The following RCAN2 variants were observed in gnomAD, a reference collection of about 807,000 sequenced individuals.
RCAN2 encodes the protein regulator of calcineurin 2, also known as calcipressin-2.
In RCAN2, 9 loss-of-function variants were observed where a neutral mutation model predicts 23.6. The ratio of observed to expected loss-of-function variants is 0.38; its 90% confidence interval spans 0.23 to 0.67. The LOEUF (loss-of-function observed/expected upper bound fraction) is 0.67. Among genes scored for constraint, RCAN2 ranks in the 30% least tolerant of loss-of-function variants. The pLI is 0.51. For missense variants in RCAN2, 273 were observed against 302.3 expected (o/e 0.90, Z 0.72); for synonymous variants, 109 against 115.7 (o/e 0.94, Z 0.37).
chr6:46,381,275 T>C (rs1197696041), intron 2 of RCAN2, among the ~76,000 whole-genome samples: 3 of 152,202 alleles, frequency 2.0e-5, no homozygotes, highest in African/African-American at 7.2e-5. Context: ...GATAATACAA[T>C]GGAAAGATCC....
intron 2 of RCAN2, among the ~76,000 whole-genome samples, chr6:46,305,325 G>C (rs1417749834): frequency 6.6e-6 from 1 of 152,034 alleles, no homozygotes; most frequent in African/African-American, 2.4e-5. Context: ...ACTTCACGTA[G>C]CTTCTCAGGC....
chr6:46,354,032 C>G (rs182336700), intron 2 of RCAN2, among the ~76,000 whole-genome samples: 2 of 152,126 alleles, frequency 1.3e-5, no homozygotes, highest in Admixed American at 1.3e-4. Context: ...GGGATACAAA[C>G]CAGAATATAT....
At chr6:46,477,793 A>C (rs919296840) in intron 1 of RCAN2, among the ~76,000 whole-genome samples, 1 of 152,182 alleles carries the variant, frequency 6.6e-6, no homozygotes, top group Admixed American at 6.5e-5. Flanking sequence ...TGCCATCTCT[A>C]GGGTGGAAGT....
At chr6:46,359,473 C>T (rs1217382336) in intron 2 of RCAN2, among the ~76,000 whole-genome samples, 2 of 152,182 alleles carry the variant, frequency 1.3e-5, no homozygotes, top group African/African-American at 2.4e-5. Context: ...TGTAGGAAAG[C>T]AGAAATATTG....
At chr6:46,278,672 C>T (rs558189105) in intron 2 of RCAN2, among the ~76,000 whole-genome samples, 4 of 152,256 alleles carry the variant, frequency 2.6e-5, no homozygotes, top group African/African-American at 9.6e-5. Flanking sequence ...TCTTTAGTCT[C>T]GTTTCATCTG....
chr6:46,380,978 T>C (rs932670178), intron 2 of RCAN2, among the ~76,000 whole-genome samples: 3 of 152,188 alleles, frequency 2.0e-5, no homozygotes, highest in African/African-American at 7.2e-5. Context: ...AAATGCTACA[T>C]CTGTGCCTGG....
At chr6:46,370,347 T>C (rs977892917) in intron 2 of RCAN2, among the ~76,000 whole-genome samples, 3 of 152,174 alleles carry the variant, frequency 2.0e-5, no homozygotes, top group African/African-American at 7.2e-5. Context: ...TATTCTCCGC[T>C]TGCATCCTAT....
chr6:46,389,949 G>T (rs1765879808), intron 2 of RCAN2, among the ~76,000 whole-genome samples: 1 of 151,370 alleles, frequency 6.6e-6, no homozygotes, highest in Non-Finnish European at 1.5e-5. Flanking sequence ...ACTCACCTCA[G>T]TGATGATCCT....
intron 2 of RCAN2, among the ~76,000 whole-genome samples, chr6:46,332,321 T>TA (rs1348798237): frequency 6.6e-6 from 1 of 152,166 alleles, no homozygotes; most frequent in Non-Finnish European, 1.5e-5. Context: ...TGATTTTTTT[T>TA]ATTATACTTT....
chr6:46,406,156 C>T (rs2150405566), intron 2 of RCAN2, among the ~76,000 whole-genome samples: 1 of 152,340 alleles, frequency 6.6e-6, no homozygotes, highest in Middle Eastern at 3.4e-3. Context: ...CCCTCCACAC[C>T]TCCCTGCAAG....
chr6:46,422,191 T>C (rs958720028), intron 2 of RCAN2, among the ~76,000 whole-genome samples: 12 of 152,118 alleles, frequency 7.9e-5, no homozygotes, highest in Non-Finnish European at 1.2e-4. Flanking sequence ...TGTTAGTTCC[T>C]GCGAGAGTTC....
chr6:46,307,109 T>A (rs556439403), intron 2 of RCAN2, among the ~76,000 whole-genome samples: 1 of 152,196 alleles, frequency 6.6e-6, no homozygotes, highest in South Asian at 2.1e-4. Flanking sequence ...TGGTTCCAAA[T>A]CCCTATCTAT....
intron 2 of RCAN2, among the ~76,000 whole-genome samples, chr6:46,314,985 C>A (rs1369792313): frequency 6.6e-6 from 1 of 152,182 alleles, no homozygotes. Context: ...CACTTGAGCC[C>A]AGGAAGTGGA....
intron 2 of RCAN2, among the ~76,000 whole-genome samples, chr6:46,425,901 T>C (rs569932504): frequency 1.4e-4 from 21 of 148,624 alleles, no homozygotes; most frequent in Non-Finnish European, 1.2e-4. Flanking sequence ...TCTTTCTTTT[T>C]TTTTTTTTTT....
chr6:46,331,140 G>A (rs1250286541), intron 2 of RCAN2, among the ~76,000 whole-genome samples: 4 of 150,648 alleles, frequency 2.7e-5, no homozygotes, highest in Non-Finnish European at 5.9e-5. Flanking sequence ...TTTGAGCCAT[G>A]GTTTTTGTAA....
chr6:46,470,269 A>G (rs943459388), intron 1 of RCAN2, among the ~76,000 whole-genome samples: 16 of 152,194 alleles, frequency 1.1e-4, no homozygotes, highest in Admixed American at 8.5e-4. Context: ...AACAAGACCA[A>G]TGGAAGCTAT....
Position 46,221,744 on chromosome 6 carries a change from A to G in RCAN2, c.*1397T>C, listed in dbSNP as rs1385928430. ...GTGTTTTTCTGAGGCTTGGGTAATGAAAGTACTTCCCCACTCCATTGTAAT... is the reference window on the plus strand; with the variant it reads ...GTGTTTTTCTGAGGCTTGGGTAATGGAAGTACTTCCCCACTCCATTGTAAT... On this transcript the variant is annotated 3_prime_UTR_variant, in exon 5 of 5. Coordinates refer to ENST00000371374, the MANE Select transcript of RCAN2 (RefSeq NM_001251974.2). 1.0e-5 allele frequency: 4 copies of G among 392,976 alleles called. No homozygotes were observed. The allele number at this position is 392,976 out of a possible 1,614,324, so 24.3% of individuals were successfully genotyped here.
intron 2 of RCAN2, among the ~76,000 whole-genome samples, chr6:46,447,978 G>A (rs1159408083): frequency 2.6e-5 from 4 of 151,126 alleles, no homozygotes; most frequent in Admixed American, 2.0e-4. Flanking sequence ...GTAGAATGAA[G>A]GAAATAATAA....
At chr6:46,350,430 A>C (rs1366211188) in intron 2 of RCAN2, among the ~76,000 whole-genome samples, 2 of 152,190 alleles carry the variant, frequency 1.3e-5, no homozygotes, top group Non-Finnish European at 2.9e-5. Context: ...TTGCTTTATC[A>C]CGAAGGCAGG....
Sources: allele counts gnomAD v4.1 joint callset (sites outside exome capture counted in the v4.1 genomes callset), GRCh38; gene constraint gnomAD v4.1.1; transcripts MANE v1.5; gene names NCBI Gene and HGNC (gene_info 2026-07-23, HGNC 2026-07-21).